The following PDE4D variants were observed in gnomAD, a reference collection of about 807,000 sequenced individuals.
PDE4D encodes the protein phosphodiesterase 4D.
PDE4D carries 24 observed loss-of-function variants against 87.4 expected under a neutral mutation model. The observed-to-expected ratio is 0.27, with a 90% CI of 0.20 to 0.39. PDE4D has a LOEUF of 0.39. Among genes scored for constraint, PDE4D ranks in the 10% least tolerant of loss-of-function variants. The pLI, the probability that PDE4D is intolerant of heterozygous loss-of-function variation, is 1.00. For synonymous variants in PDE4D, 384 were observed against 383.2 expected, an observed-to-expected ratio of 1.00 and a Z score of -0.02; for missense variants, 714 against 1,041.0, an observed-to-expected ratio of 0.69 and a Z score of 4.32.
intron 5 of PDE4D, among the ~76,000 whole-genome samples, chr5:59,103,746 T>C (rs1244514109): frequency 2.6e-5 from 4 of 152,226 alleles, no homozygotes; most frequent in Non-Finnish European, 4.4e-5. Context: ...TAGACTGATT[T>C]GAATAAAATG....
intron 1 of PDE4D, among the ~76,000 whole-genome samples, chr5:60,231,901 C>CA (rs567452455): frequency 4.3e-4 from 66 of 151,792 alleles, no homozygotes; most frequent in Non-Finnish European, 7.2e-4. Context: ...AGTTGTATGC[C>CA]AAAAATGAGT....
chr5:59,686,664 T>C (rs966455523), intron 1 of PDE4D, among the ~76,000 whole-genome samples: 6 of 152,144 alleles, frequency 3.9e-5, no homozygotes, highest in African/African-American at 1.2e-4. Flanking sequence ...ATTTAATAAA[T>C]ATACACAGGT....
chr5:59,873,047 C>T (rs1748057660), intron 1 of PDE4D, among the ~76,000 whole-genome samples: 1 of 152,162 alleles, frequency 6.6e-6, no homozygotes, highest in Admixed American at 6.5e-5. Flanking sequence ...CTTTCTGGGG[C>T]TGAAACGCTA....
intron 1 of PDE4D, among the ~76,000 whole-genome samples, chr5:59,673,383 C>A (rs1747537451): frequency 6.6e-6 from 1 of 152,142 alleles, no homozygotes; most frequent in African/African-American, 2.4e-5. Context: ...CAAAAGAGAC[C>A]TTCCGAATTA....
chr5:60,219,815 T>A (rs1276354235), intron 1 of PDE4D, among the ~76,000 whole-genome samples: 2 of 152,204 alleles, frequency 1.3e-5, no homozygotes, highest in Non-Finnish European at 2.9e-5. Flanking sequence ...AGATCCTTGG[T>A]CTGTGTCACT....
chr5:59,576,686 A>G (rs1823219180), intron 1 of PDE4D, among the ~76,000 whole-genome samples: 1 of 152,190 alleles, frequency 6.6e-6, no homozygotes, highest in Admixed American at 6.6e-5. Context: ...GCTTGGTCTC[A>G]GAAAGTTCTT....
chr5:59,440,034 AT>A (rs1311558342), intron 1 of PDE4D, among the ~76,000 whole-genome samples: 1 of 152,226 alleles, frequency 6.6e-6, no homozygotes, highest in East Asian at 1.9e-4. Context: ...AACCATTAAG[AT>A]TCTGTAAGTT....
At chr5:59,211,584 T>C (rs1380813172) in intron 2 of PDE4D, among the ~76,000 whole-genome samples, 2 of 152,164 alleles carry the variant, frequency 1.3e-5, no homozygotes, top group Non-Finnish European at 2.9e-5. Context: ...CTAGAAATAA[T>C]CAAAATGCTT....
chr5:60,360,173 G>C (rs765760070), intron 1 of PDE4D, among the ~76,000 whole-genome samples: 1 of 152,168 alleles, frequency 6.6e-6, no homozygotes, highest in African/African-American at 2.4e-5. Context: ...AGACAGGTGG[G>C]ATTGCTCACA....
chr5:59,106,187 G>A (rs986064207), intron 5 of PDE4D, among the ~76,000 whole-genome samples: 1 of 152,132 alleles, frequency 6.6e-6, no homozygotes, highest in Non-Finnish European at 1.5e-5. Context: ...ACAGTTTCAG[G>A]AAGTTCACTG....
At chr5:59,171,089 C>T (rs1489665141) in intron 5 of PDE4D, among the ~76,000 whole-genome samples, 2 of 151,984 alleles carry the variant, frequency 1.3e-5, no homozygotes, top group Non-Finnish European at 2.9e-5. Flanking sequence ...ACCATGTTGG[C>T]CAGGCTGGTC....
intron 3 of PDE4D, among the ~76,000 whole-genome samples, chr5:59,945,327 A>T (rs1393559430): frequency 6.6e-6 from 1 of 152,238 alleles, no homozygotes; most frequent in African/African-American, 2.4e-5. Flanking sequence ...TATTTGAATT[A>T]AGTGCTTTTC....
At chr5:59,168,358 T>C (rs1782215578) in intron 5 of PDE4D, among the ~76,000 whole-genome samples, 2 of 152,174 alleles carry the variant, frequency 1.3e-5, no homozygotes, top group Admixed American at 1.3e-4. Flanking sequence ...TTACCCTGGT[T>C]CCTCCGAAAC....
chr5:60,141,074 C>T (rs951737032), intron 2 of PDE4D, among the ~76,000 whole-genome samples: 1 of 152,090 alleles, frequency 6.6e-6, no homozygotes, highest in African/African-American at 2.4e-5. Flanking sequence ...AGATTCTCAT[C>T]GTGTGTCTCT....
At chr5:60,514,404 C>T (rs1247592552) in intron 1 of PDE4D, among the ~76,000 whole-genome samples, 1 of 151,980 alleles carries the variant, frequency 6.6e-6, no homozygotes, top group Non-Finnish European at 1.5e-5. Flanking sequence ...AAAGAAAAGT[C>T]AAGCCAGAAC....
At chr5:59,098,072 G>A (rs1319273628) in intron 5 of PDE4D, among the ~76,000 whole-genome samples, 2 of 152,064 alleles carry the variant, frequency 1.3e-5, no homozygotes, top group Non-Finnish European at 2.9e-5. Context: ...TAAATTCTGT[G>A]GTTTTCTGGA....
chr5:60,387,271 T>A (rs570190226), intron 1 of PDE4D, among the ~76,000 whole-genome samples: 2 of 152,144 alleles, frequency 1.3e-5, no homozygotes, highest in African/African-American at 4.8e-5. Context: ...AGCCAAGGAG[T>A]TGCTATTTGA....
At chr5:59,436,996 T>C (rs1796887669) in intron 1 of PDE4D, among the ~76,000 whole-genome samples, 1 of 152,196 alleles carries the variant, frequency 6.6e-6, no homozygotes, top group Non-Finnish European at 1.5e-5. Context: ...CTGGTCCAAG[T>C]GCCATTTAAC....
intron 2 of PDE4D, among the ~76,000 whole-genome samples, chr5:60,055,181 T>C (rs1201544688): frequency 2.6e-5 from 4 of 152,090 alleles, no homozygotes; most frequent in Admixed American, 6.6e-5. Flanking sequence ...TTTATCATGA[T>C]TATTTATATG....
Sources: gnomAD v4.1 joint callset for allele counts (sites outside exome capture counted in the v4.1 genomes callset) on GRCh38, gnomAD v4.1.1 for gene constraint, MANE v1.5 for transcripts, NCBI Gene and HGNC (gene_info 2026-07-23, HGNC 2026-07-21) for gene names.